Variants in TRPC4AP observed in about 807,000 individuals in gnomAD.
TRPC4AP encodes short transient receptor potential channel 4-associated protein.
Under a neutral mutation model 99.0 loss-of-function variants are expected in TRPC4AP, and 45 were observed. That is an observed-to-expected ratio of 0.45 (90% CI 0.36 to 0.58). The LOEUF (loss-of-function observed/expected upper bound fraction) is 0.58, where lower values mean the gene tolerates loss of function less well. Among genes scored for constraint, TRPC4AP ranks in the 20% least tolerant of loss-of-function variants. The pLI, the probability that TRPC4AP is intolerant of heterozygous loss-of-function variation, is 0.00. For synonymous variants in TRPC4AP, 408 were observed against 385.8 expected (o/e 1.06, Z -0.67); for missense variants, 879 against 985.3 (o/e 0.89, Z 1.44).
intron 1 of TRPC4AP, 85 bp downstream of exon 1, chr20:35,092,529 G>A (rs1380795480): frequency 1.0e-5 from 14 of 1,378,564 alleles, no homozygotes; most frequent in Non-Finnish European, 4.7e-6. Flanking sequence ...CCGTCCAGCG[G>A]CGGCCTGGAA....
chr20:35,029,382 CT>C (rs2083111723), intron 8 of TRPC4AP, among the ~76,000 whole-genome samples: 1 of 152,156 alleles, frequency 6.6e-6, no homozygotes. Flanking sequence ...CTGCATATAA[CT>C]GGATCTTGTT....
chr20:35,039,597 G>A (rs1301337570), intron 7 of TRPC4AP, among the ~76,000 whole-genome samples: 1 of 152,158 alleles, frequency 6.6e-6, no homozygotes, highest in African/African-American at 2.4e-5. Flanking sequence ...TGAAACATCA[G>A]TATTCCCCCC....
At chr20:35,024,837 A>C (rs1460056842) in intron 8 of TRPC4AP, among the ~76,000 whole-genome samples, 6 of 119,412 alleles carry the variant, frequency 5.0e-5, no homozygotes, top group South Asian at 5.1e-4. Context: ...AAAAAAAAAA[A>C]AAAAAAAAAA....
intron 5 of TRPC4AP, among the ~76,000 whole-genome samples, chr20:35,050,608 G>C (rs2083672630): frequency 6.6e-6 from 1 of 152,120 alleles, no homozygotes; most frequent in Middle Eastern, 3.4e-3. Context: ...AGCTACTCAG[G>C]AGGCTGAGGT....
At chr20:35,012,621 C>G (rs191402076) in intron 11 of TRPC4AP, among the ~76,000 whole-genome samples, 2 of 152,344 alleles carry the variant, frequency 1.3e-5, no homozygotes, top group Admixed American at 1.3e-4. Context: ...GAAGAATCCT[C>G]CAGCTGCTCA....
At chr20:35,012,923 G>T in intron 11 of TRPC4AP, 85 bp downstream of exon 11, 1 of 1,433,374 alleles carries the variant, frequency 7.0e-7, no homozygotes, top group Non-Finnish European at 9.8e-7. Flanking sequence ...CTCCTCTCGA[G>T]CTGAGGTCAG....
intron 4 of TRPC4AP, 83 bp downstream of exon 4, chr20:35,057,431 G>A: frequency 1.8e-6 from 2 of 1,122,526 alleles, no homozygotes; most frequent in Non-Finnish European, 2.7e-6. Flanking sequence ...AGTTAGGAAG[G>A]GAAGGAAGAA....
At chr20:35,008,630 C>T (rs535901576) in intron 13 of TRPC4AP, 34 bp downstream of exon 13, 14 of 1,592,626 alleles carry the variant, frequency 8.8e-6, no homozygotes, top group African/African-American at 1.3e-5. Flanking sequence ...TCTGCAGCCC[C>T]GCAGAATCGG....
At chr20:35,043,872 A>G (rs1045899129) in intron 7 of TRPC4AP, among the ~76,000 whole-genome samples, 1 of 152,218 alleles carries the variant, frequency 6.6e-6, no homozygotes, top group African/African-American at 2.4e-5. Flanking sequence ...AGAGGAGATT[A>G]GTGTCTATAC....
At chr20:35,007,672 G>C (rs763188638) in intron 13 of TRPC4AP, 32 bp from the exon 14 acceptor site, 1 of 1,611,032 alleles carries the variant, frequency 6.2e-7, no homozygotes, top group Admixed American at 1.7e-5. Flanking sequence ...AGGTGGCTAA[G>C]GCTGCCCTCT....
In TRPC4AP at chr20:35,038,860, T is replaced by A. The variant is rs368765112; in HGVS notation, c.866-3552A>T. On this transcript the variant is annotated intron_variant, in intron 7 of 18. Transcript: ENST00000252015. ...GGCCGAGGTGGGTGGATCACCTGAG[T>A]TTGGGAGTTCAAGACCAGCCTGGCC... Among the ~76,000 whole-genome samples the A allele has an allele frequency of 2.7e-4, 41 of 152,042 alleles. No homozygotes were observed. The East Asian group carries it at 7.0e-3, about 26-fold the overall frequency.
At chr20:35,077,882 A>G (rs1031652328) in intron 2 of TRPC4AP, among the ~76,000 whole-genome samples, 164 bp downstream of exon 2, 4 of 152,098 alleles carry the variant, frequency 2.6e-5, no homozygotes, top group African/African-American at 7.2e-5. Context: ...TAGGTGATGT[A>G]TATTTTCTTC....
At chr20:35,007,787 C>T (rs1443340531) in intron 13 of TRPC4AP, 147 bp from the exon 14 acceptor site, 2 of 805,296 alleles carry the variant, frequency 2.5e-6, no homozygotes, top group Non-Finnish European at 2.0e-6. Context: ...CATCCTGGGC[C>T]TGGGGACACA....
At position 35,050,004 on chromosome 20, in the gene TRPC4AP, G is replaced by A; in HGVS notation, c.529-10C>T. On this transcript the variant is annotated splice_polypyrimidine_tract_variant and intron_variant, in intron 5 of 18. Transcript: ENST00000252015. Reference sequence around the variant, plus strand: ...TTGTAACTCCCTCTGTCTGTCACAAGAAGAAAAGGCAGAATAGGTTGTAAG... The same window carrying A: ...TTGTAACTCCCTCTGTCTGTCACAAAAAGAAAAGGCAGAATAGGTTGTAAG... 6.2e-7 allele frequency: 1 copy of A among 1,612,062 alleles called. No individual in the cohort carries two copies. The highest frequency in any genetic ancestry group is 1.1e-5 in the South Asian group (1 of 90,764).
Position 35,002,900 on chromosome 20 carries a change from G to T in TRPC4AP, c.*246C>A. The T allele has an allele frequency of 2.1e-6, 1 of 475,868 alleles. No homozygotes were observed. The highest frequency in any genetic ancestry group is 3.7e-6 in the Non-Finnish European group (1 of 267,148). The allele number at this position is 475,868 out of a possible 1,614,324, so 29.5% of individuals were successfully genotyped here. The stretch of plus-strand genomic sequence containing the variant: ...TACCTCTGGGTGGCCCTGGGCCCCA[G>T]GGTTCTGAAGGAAAGGTGGGCATGG... On this transcript the variant is annotated 3_prime_UTR_variant, in exon 19 of 19. Transcript: ENST00000252015.
chr20:35,077,936 A>G (rs1254857557), intron 2 of TRPC4AP, 110 bp downstream of exon 2: 20 of 1,251,672 alleles, frequency 1.6e-5, no homozygotes, highest in Non-Finnish European at 1.1e-6. Context: ...TAGCTCACAC[A>G]GTAAAAACAG....
intron 1 of TRPC4AP, among the ~76,000 whole-genome samples, chr20:35,090,625 CG>C (rs961572143): frequency 5.9e-5 from 9 of 152,126 alleles, no homozygotes; most frequent in African/African-American, 2.2e-4. Flanking sequence ...CCACCCGCCT[CG>C]ACCTCCCAAA....
chr20:35,092,747 G>A lies in TRPC4AP; in HGVS notation c.35C>T (p.Ala12Val), dbSNP rs747738013. 3 of 1,556,464 alleles carry A rather than the reference G, an allele frequency of 1.9e-6. No homozygotes were observed. The highest frequency in any genetic ancestry group is 3.7e-5 in the Admixed American group (2 of 54,556). Residue 12 changes from alanine (A) to valine (V), a missense_variant, in exon 1 of 19, where the codon GCC becomes GTC. Coordinates refer to ENST00000252015, the MANE Select transcript of TRPC4AP (RefSeq NM_015638.3). ...GGCTGCCGACCGTCTCCCTCGGCCG[G>A]CTCCAGACCCAGCCGCTACCGGCGC... Reference protein sequence around the residue: ...AAAPVAAGSGAGRGRRSAATV... With the variant: ...AAAPVAAGSGVGRGRRSAATV...
rs764654319 is a variant in TRPC4AP, at chr20:35,057,532, G to A, written c.454C>T (p.Arg152Trp). Residue 152 changes from arginine to tryptophan, a missense_variant, in exon 4 of 19, where the codon CGG becomes TGG. By Grantham distance (101) the Arg-to-Trp change is moderately radical (BLOSUM62 -3). Transcript: ENST00000252015. ...EILMRPTISIRGQKLKISDEM... is the reference protein window; with the variant it reads ...EILMRPTISIWGQKLKISDEM... ...TACTTACTTTTCAGTTTCTGTCCCC[G>A]GATAGAGATCGTAGGCCTCATAAGA... The A allele has an allele frequency of 1.6e-5, 26 of 1,612,012 alleles. No homozygotes were observed. Among genetic ancestry groups the A allele is most frequent in the Admixed American group, 3.3e-5 (2 of 59,878 alleles).
Sources: gnomAD v4.1 joint callset for allele counts (sites outside exome capture counted in the v4.1 genomes callset) on GRCh38, gnomAD v4.1.1 for gene constraint, MANE v1.5 for transcripts, NCBI Gene and HGNC (gene_info 2026-07-23, HGNC 2026-07-21) for gene names.